TRAT1: variants seen among roughly 807,000 people sequenced by gnomAD.
TRAT1 encodes the protein T cell receptor associated transmembrane adaptor 1.
A neutral mutation model predicts 20.0 loss-of-function variants in TRAT1; 20 were observed. The observed-to-expected ratio is 1.00, with a 90% CI of 0.70 to 1.45. The LOEUF is 1.45. Ranked by LOEUF, TRAT1 falls within the 40% of genes most tolerant of loss-of-function variation. The pLI, the probability that TRAT1 is intolerant of heterozygous loss-of-function variation, is 0.00. For synonymous variants in TRAT1, 77 were observed against 74.2 expected (o/e 1.04, Z -0.20); for missense variants, 237 against 224.1 (o/e 1.06, Z -0.37).
At chr3:108,849,707 A>G (rs1396795233) in intron 5 of TRAT1, among the ~76,000 whole-genome samples, 1 of 152,230 alleles carries the variant, frequency 6.6e-6, no homozygotes, top group Non-Finnish European at 1.5e-5. Context: ...ATGACTTTCA[A>G]TTTTAATACA....
At chr3:108,852,916 A>G (rs1027579328) in intron 5 of TRAT1, among the ~76,000 whole-genome samples, 1 of 152,204 alleles carries the variant, frequency 6.6e-6, no homozygotes, top group Non-Finnish European at 1.5e-5. Flanking sequence ...CTTCCCCTAG[A>G]TAGCCTAGTT....
chr3:108,850,592 T>C (rs1244826188), intron 5 of TRAT1, among the ~76,000 whole-genome samples: 1 of 152,044 alleles, frequency 6.6e-6, no homozygotes, highest in African/African-American at 2.4e-5. Flanking sequence ...GCATGAGCCA[T>C]CGTGCCCAGC....
rs1247525743 is a variant in TRAT1, at chr3:108,838,933, G to C, written c.119-1G>C. 1 of 1,604,688 alleles carries C rather than the reference G, an allele frequency of 6.2e-7. No homozygotes were observed. The highest frequency in any genetic ancestry group is 1.1e-5 in the South Asian group (1 of 90,804). On this transcript the variant is annotated splice_acceptor_variant, in intron 2 of 5. Transcript: ENST00000295756. LOFTEE classifies it high-confidence loss of function. ...ACTTGTCTATTTTGAATATCTTTCA[G>C]ATAAAATGTACAGCTACTCCAGTGA...
At chr3:108,848,702 G>A (rs771700665) in intron 4 of TRAT1, among the ~76,000 whole-genome samples, 23 of 152,100 alleles carry the variant, frequency 1.5e-4, no homozygotes, top group Non-Finnish European at 2.9e-4. Flanking sequence ...TTAAGATGTG[G>A]GACTTAAAAT....
At chr3:108,823,667 T>C (rs936105357) in intron 1 of TRAT1, among the ~76,000 whole-genome samples, 3 of 152,234 alleles carry the variant, frequency 2.0e-5, no homozygotes, top group Non-Finnish European at 2.9e-5. Flanking sequence ...CTTTCAAATT[T>C]TATTTATATA....
At chr3:108,836,086 A>AT (rs1380594427) in intron 2 of TRAT1, among the ~76,000 whole-genome samples, 3 of 151,716 alleles carry the variant, frequency 2.0e-5, no homozygotes, top group African/African-American at 4.8e-5. Flanking sequence ...TGCCCAGCTA[A>AT]TTTTTTGTAT....
chr3:108,847,199 C>T (rs1291004852), intron 4 of TRAT1, 70 bp downstream of exon 4: 12 of 922,834 alleles, frequency 1.3e-5, no homozygotes, highest in South Asian at 3.0e-5. Context: ...ATTTAAGTGG[C>T]GCTTTAAAAA....
intron 1 of TRAT1, among the ~76,000 whole-genome samples, chr3:108,824,115 C>T (rs1945716061): frequency 6.6e-6 from 1 of 152,128 alleles, no homozygotes; most frequent in Non-Finnish European, 1.5e-5. Flanking sequence ...CATGATCCGC[C>T]CGCCTTGGCC....
intron 1 of TRAT1, among the ~76,000 whole-genome samples, chr3:108,827,412 G>A (rs1450223037): frequency 6.9e-6 from 1 of 144,166 alleles, no homozygotes; most frequent in Non-Finnish European, 1.5e-5. Context: ...GTGTGTGTGT[G>A]TGTGTGTGTA....
intron 2 of TRAT1, among the ~76,000 whole-genome samples, chr3:108,836,007 C>T (rs1945837280): frequency 6.6e-6 from 1 of 152,182 alleles, no homozygotes. Flanking sequence ...ACAACCTCTG[C>T]CTCCTGGATT....
At chr3:108,847,176 G>T in intron 4 of TRAT1, 47 bp downstream of exon 4, 4 of 1,191,390 alleles carry the variant, frequency 3.4e-6, no homozygotes, top group Non-Finnish European at 2.4e-6. Flanking sequence ...ATCCCAGTTG[G>T]TTTCACAAAA....
intron 2 of TRAT1, among the ~76,000 whole-genome samples, chr3:108,835,067 G>A (rs1465935195): frequency 6.6e-6 from 1 of 152,144 alleles, no homozygotes; most frequent in African/African-American, 2.4e-5. Context: ...CAAGCGTATG[G>A]TTTGGTCATA....
At chr3:108,844,083 G>A (rs1447708) in intron 3 of TRAT1, among the ~76,000 whole-genome samples, 88,127 of 151,982 alleles carry the variant, frequency 0.58, 26,039 homozygotes, top group East Asian at 0.9. Flanking sequence ...AACTTCTGAT[G>A]GATCCCAAAG....
At chr3:108,835,703 G>A (rs1325376139) in intron 2 of TRAT1, among the ~76,000 whole-genome samples, 6 of 151,922 alleles carry the variant, frequency 3.9e-5, no homozygotes, top group Non-Finnish European at 5.9e-5. Flanking sequence ...ACCATTACTT[G>A]TTTTCTTTAT....
intron 5 of TRAT1, 63 bp downstream of exon 5, chr3:108,849,317 A>T: frequency 7.3e-7 from 1 of 1,367,242 alleles, no homozygotes; most frequent in Non-Finnish European, 1.0e-6. Context: ...GTACATTATG[A>T]TACACATCTG....
chr3:108,850,358 G>A (rs1409635193), intron 5 of TRAT1, among the ~76,000 whole-genome samples: 8 of 150,362 alleles, frequency 5.3e-5, no homozygotes, highest in African/African-American at 1.7e-4. Context: ...AGGCTGGAGT[G>A]CAATGGCACA....
intron 3 of TRAT1, chr3:108,839,213 T>C: frequency 2.0e-6 from 1 of 503,880 alleles, no homozygotes; most frequent in South Asian, 2.8e-5. Context: ...TCTAACCTGA[T>C]AACTATAGAA....
intron 4 of TRAT1, among the ~76,000 whole-genome samples, chr3:108,848,694 A>C (rs1377061824): frequency 1.3e-5 from 2 of 152,212 alleles, no homozygotes; most frequent in Non-Finnish European, 2.9e-5. Context: ...TTTCAAAATT[A>C]AGATGTGGGA....
intron 5 of TRAT1, among the ~76,000 whole-genome samples, chr3:108,852,386 AAC>A (rs1365398048): frequency 3.3e-5 from 3 of 91,514 alleles, no homozygotes; most frequent in Non-Finnish European, 6.4e-5. Flanking sequence ...CATCTCAAAA[AAC>A]ACACGCATGC....
Sources: allele counts gnomAD v4.1 joint callset (sites outside exome capture counted in the v4.1 genomes callset), GRCh38; gene constraint gnomAD v4.1.1; transcripts MANE v1.5; gene names NCBI Gene and HGNC (gene_info 2026-07-23, HGNC 2026-07-21).